Variants in GNAS-AS1 observed in about 807,000 individuals in gnomAD.
GNAS-AS1 encodes GNAS antisense RNA 1 (non-protein coding).
intron 4 of GNAS-AS1, chr20:58,836,508 G>C (rs145447812): frequency 6.6e-6 from 1 of 152,266 alleles, no homozygotes; most frequent in African/African-American, 2.4e-5. Flanking sequence ...GCGCTTTCCT[G>C]TCCAACTGGT....
intron 4 of GNAS-AS1, among the ~76,000 whole-genome samples, chr20:58,820,419 C>A (rs1471621083): frequency 3.3e-5 from 5 of 152,180 alleles, no homozygotes; most frequent in Non-Finnish European, 5.9e-5. Context: ...GGGAGCTCTC[C>A]AAGGGTGCCC....
At chr20:58,845,398 C>T (rs111335745) in intron 2 of GNAS-AS1, among the ~76,000 whole-genome samples, 1 of 152,098 alleles carries the variant, frequency 6.6e-6, no homozygotes, top group African/African-American at 2.4e-5. Context: ...CATTTTAATA[C>T]CATGGACATA....
chr20:58,849,083 C>A (rs780429316), intron 1 of GNAS-AS1, among the ~76,000 whole-genome samples: 4 of 151,978 alleles, frequency 2.6e-5, no homozygotes, highest in Non-Finnish European at 5.9e-5. Flanking sequence ...GAGATTTTGC[C>A]CCCCAGAGGA....
At chr20:58,826,016 T>G in intron 4 of GNAS-AS1, 1 of 398,590 alleles carries the variant, frequency 2.5e-6, no homozygotes, top group African/African-American at 2.1e-5. Context: ...AGCTTGCTCT[T>G]TTGCTTACCT....
chr20:58,830,605 A>G lies in GNAS-AS1; in HGVS notation n.819+11332T>C, dbSNP rs375317149. On this transcript the variant is annotated intron_variant and non_coding_transcript_variant, in intron 4 of 4. Transcript: ENST00000424094. Reference sequence around the variant, plus strand: ...CACCACCACAATCACCACCACCACCATCACCACCACACCACCATCACCACC... The same window carrying G: ...CACCACCACAATCACCACCACCACCGTCACCACCACACCACCATCACCACC... 9.9e-5 allele frequency among the ~76,000 whole-genome samples: 11 copies of G among 111,442 alleles called. No homozygotes were observed. In the East Asian group the frequency reaches 3.0e-3, roughly 31 times the overall value. The allele number at this position is 111,442 out of a possible 152,430, so 73.1% of individuals were successfully genotyped here.
At chr20:58,838,236 A>G (rs2085622895) in intron 4 of GNAS-AS1, among the ~76,000 whole-genome samples, 1 of 152,166 alleles carries the variant, frequency 6.6e-6, no homozygotes, top group Admixed American at 6.5e-5. Context: ...GCACACCTCA[A>G]AAGCAGCAGC....
Position 58,846,531 on chromosome 20 carries a change from C to T in GNAS-AS1, n.413+2348G>A, listed in dbSNP as rs1336130943. On this transcript the variant is annotated intron_variant and non_coding_transcript_variant, in intron 2 of 4. Coordinates refer to ENST00000424094, the Ensembl canonical transcript of GNAS-AS1. ...TACACTCAAAGAGAAAGATTTAACA[C>T]CTAGAAATCTAGCTGTCTAGCTCCA... 3.3e-5 allele frequency among the ~76,000 whole-genome samples: 5 copies of T among 152,196 alleles called. No homozygotes were observed. In the South Asian group the frequency reaches 1.0e-3, roughly 32 times the overall value.
Position 58,847,757 on chromosome 20 carries a change from C to T in GNAS-AS1, n.413+1122G>A, listed in dbSNP as rs1260250866. On this transcript the variant is annotated intron_variant and non_coding_transcript_variant, in intron 2 of 4. Coordinates refer to ENST00000424094, the Ensembl canonical transcript of GNAS-AS1. Reference sequence around the variant, plus strand: ...TGTTCCCTTCCCTTTCACCCACCTCCCTTCCCTCTCTCTACTTTGCCTTCT... The same window carrying T: ...TGTTCCCTTCCCTTTCACCCACCTCTCTTCCCTCTCTCTACTTTGCCTTCT... 2.6e-5 allele frequency among the ~76,000 whole-genome samples: 4 copies of T among 152,320 alleles called. No individual in the cohort carries two copies. The East Asian group carries it at 7.7e-4, about 29-fold the overall frequency.
chr20:58,833,117 GGCGAGGA>G (rs2145459624), intron 4 of GNAS-AS1, among the ~76,000 whole-genome samples: 1 of 152,354 alleles, frequency 6.6e-6, no homozygotes, highest in South Asian at 2.1e-4. Context: ...ATTGCTTAAA[GGCGAGGA>G]TCTCCTCCAC....
intron 4 of GNAS-AS1, among the ~76,000 whole-genome samples, chr20:58,837,197 C>T (rs2085609428): frequency 1.3e-5 from 2 of 152,120 alleles, no homozygotes; most frequent in Admixed American, 6.5e-5. Context: ...CTGAAATCAG[C>T]TTGAATAATA....
chr20:58,843,593 A>G (rs1439038275), intron 2 of GNAS-AS1, among the ~76,000 whole-genome samples: 1 of 152,228 alleles, frequency 6.6e-6, no homozygotes, highest in Admixed American at 6.5e-5. Flanking sequence ...AGCAGATCTT[A>G]TGGTGAACCA....
At chr20:58,845,476 G>A (rs891940012) in intron 2 of GNAS-AS1, among the ~76,000 whole-genome samples, 17 of 152,084 alleles carry the variant, frequency 1.1e-4, no homozygotes, top group African/African-American at 3.9e-4. Context: ...TTTGCGCACC[G>A]CATCCCCCAA....
At chr20:58,839,133 CT>C (rs1367214853) in intron 4 of GNAS-AS1, 2 of 398,436 alleles carry the variant, frequency 5.0e-6, no homozygotes, top group Non-Finnish European at 8.8e-6. Flanking sequence ...CTCAGATGGG[CT>C]TGCAGACTTG....
intron 2 of GNAS-AS1, among the ~76,000 whole-genome samples, chr20:58,846,983 T>C (rs1356950250): frequency 1.3e-5 from 2 of 152,194 alleles, no homozygotes; most frequent in African/African-American, 4.8e-5. Flanking sequence ...TGTTCATCTT[T>C]TCTGGAATGG....
intron 1 of GNAS-AS1, among the ~76,000 whole-genome samples, chr20:58,850,357 A>G (rs2086109308): frequency 6.6e-6 from 1 of 152,220 alleles, no homozygotes; most frequent in African/African-American, 2.4e-5. Context: ...ATGATATCAG[A>G]AAGAATGAAC....
chr20:58,845,471 G>A (rs960139807), intron 2 of GNAS-AS1, among the ~76,000 whole-genome samples: 11 of 152,004 alleles, frequency 7.2e-5, no homozygotes, highest in Admixed American at 2.6e-4. Flanking sequence ...ACTTGTTTGC[G>A]CACCGCATCC....
At chr20:58,822,538 C>G (rs2085493519) in intron 4 of GNAS-AS1, among the ~76,000 whole-genome samples, 1 of 152,240 alleles carries the variant, frequency 6.6e-6, no homozygotes, top group Non-Finnish European at 1.5e-5. Flanking sequence ...CGGTCATCAT[C>G]ATTCATCCTT....
chr20:58,832,118 C>T (rs1373269503), intron 4 of GNAS-AS1, among the ~76,000 whole-genome samples: 1 of 151,968 alleles, frequency 6.6e-6, no homozygotes, highest in African/African-American at 2.4e-5. Flanking sequence ...ATGAGAAAAA[C>T]GTACAAAAAT....
chr20:58,820,607 C>T (rs375177597), intron 4 of GNAS-AS1, among the ~76,000 whole-genome samples: 1 of 152,370 alleles, frequency 6.6e-6, no homozygotes, highest in East Asian at 1.9e-4. Flanking sequence ...AAAAACAAAC[C>T]TGAGACTGGG....
Sources: allele counts gnomAD v4.1 joint callset (sites outside exome capture counted in the v4.1 genomes callset), GRCh38; gene constraint gnomAD v4.1.1; transcripts MANE v1.5; gene names NCBI Gene and HGNC (gene_info 2026-07-23, HGNC 2026-07-21).